Variants in DAPK2 observed in about 807,000 individuals in gnomAD.
DAPK2 encodes death-associated protein kinase 2.
DAPK2 carries 35 observed loss-of-function variants against 44.1 expected under a neutral mutation model. The observed-to-expected ratio is 0.79, with a 90% CI of 0.61 to 1.05. DAPK2 has a LOEUF of 1.05. Ranked by LOEUF, DAPK2 falls within the 50% of genes least tolerant of loss-of-function variation. The probability of loss-of-function intolerance (pLI) is 0.00; values close to 1 mark genes in which losing one functional copy is unlikely to be tolerated. For missense variants in DAPK2, 453 were observed against 483.2 expected, an observed-to-expected ratio of 0.94 and a Z score of 0.59; for synonymous variants, 174 against 182.6, an observed-to-expected ratio of 0.95 and a Z score of 0.38.
At chr15:63,995,796 C>A (rs1485187500) in intron 1 of DAPK2, among the ~76,000 whole-genome samples, 2 of 152,222 alleles carry the variant, frequency 1.3e-5, no homozygotes, top group Non-Finnish European at 2.9e-5. Context: ...GCAGAGCGTG[C>A]CTGGTGCCCC....
rs189475373 is a variant in DAPK2, at chr15:63,980,817, C to A, written c.314+2716G>T. On this transcript the variant is annotated intron_variant, in intron 2 of 10. Coordinates refer to ENST00000261891, the Ensembl canonical transcript of DAPK2. This position sits in a 1 kb window ranked among gnomAD's most constrained non-coding sequence, Gnocchi z 4.3. ...TTTAAGACGTGATTGGGTCGGGGTG[C>A]GGTGGCTCACGCCTGTAATCCCAAC... 1.3e-5 allele frequency among the ~76,000 whole-genome samples: 2 copies of A among 152,038 alleles called. No individual in the cohort carries two copies. Among genetic ancestry groups the A allele is most frequent in the Non-Finnish European group, 1.5e-5 (1 of 68,006 alleles).
At chr15:63,963,057 C>T (rs1257568383) in intron 3 of DAPK2, among the ~76,000 whole-genome samples, 1 of 152,136 alleles carries the variant, frequency 6.6e-6, no homozygotes, top group Non-Finnish European at 1.5e-5. Flanking sequence ...ATGGCAGATG[C>T]CCCTCCCCAA....
intron 2 of DAPK2, among the ~76,000 whole-genome samples, chr15:63,977,105 A>G (rs995129212): frequency 1.0e-5 from 1 of 96,008 alleles, no homozygotes; most frequent in African/African-American, 4.7e-5. Context: ...GCAAAAAAAG[A>G]GAAGGGGAAG....
intron 1 of DAPK2, among the ~76,000 whole-genome samples, chr15:64,045,319 G>C (rs332273): frequency 0.05 from 7,612 of 152,234 alleles, 631 homozygotes; most frequent in African/African-American, 0.17. Context: ...AGCGGTTTGG[G>C]GAAGGACAGG....
At position 63,966,228 on chromosome 15, in the gene DAPK2, G is replaced by A. The variant is rs151121412; in HGVS notation, c.453+5195C>T. ...GAGAGTGTCTAGAAATGTTGTCTGA[G>A]ATCTAGGGCCTGGAATGGGGGCCTC... On this transcript the variant is annotated intron_variant, in intron 3 of 10. Transcript: ENST00000261891. This position sits in a 1 kb window ranked among gnomAD's most constrained non-coding sequence, Gnocchi z 5.5. 6.6e-6 allele frequency among the ~76,000 whole-genome samples: 1 copy of A among 152,262 alleles called. No individual in the cohort carries two copies. Among genetic ancestry groups the A allele is most frequent in the Non-Finnish European group, 1.5e-5 (1 of 68,048 alleles).
chr15:63,954,399 A>C (rs2077667297), intron 3 of DAPK2, among the ~76,000 whole-genome samples: 1 of 152,198 alleles, frequency 6.6e-6, no homozygotes, highest in African/African-American at 2.4e-5. Flanking sequence ...CATTTATTGA[A>C]GAGACTGTCC....
intron 1 of DAPK2, among the ~76,000 whole-genome samples, chr15:64,038,059 T>G (rs1390248881): frequency 6.6e-6 from 1 of 152,192 alleles, no homozygotes; most frequent in Non-Finnish European, 1.5e-5. Flanking sequence ...CCTTGATATA[T>G]GGAGTCAGGG....
chr15:64,023,830 T>C (rs2079759486), intron 1 of DAPK2, among the ~76,000 whole-genome samples: 2 of 152,196 alleles, frequency 1.3e-5, no homozygotes, highest in Admixed American at 6.5e-5. Context: ...AAAAAGCTGC[T>C]CAAAGCCGTT....
chr15:64,016,950 A>T (rs1467024438), intron 1 of DAPK2, among the ~76,000 whole-genome samples: 2 of 152,198 alleles, frequency 1.3e-5, no homozygotes, highest in Non-Finnish European at 2.9e-5. Flanking sequence ...CAGGAGCACA[A>T]TAAATGGCAG....
intron 1 of DAPK2, among the ~76,000 whole-genome samples, chr15:64,036,271 A>ATGTGTGTGTG (rs1297163093): frequency 4.7e-5 from 4 of 85,312 alleles, no homozygotes; most frequent in African/African-American, 1.5e-4. Context: ...AAATATATAT[A>ATGTGTGTGTG]TATGTGTGTG....
chr15:63,973,687 TG>T (rs971280818), intron 2 of DAPK2, among the ~76,000 whole-genome samples: 2 of 152,192 alleles, frequency 1.3e-5, no homozygotes, highest in Admixed American at 1.3e-4. Flanking sequence ...TTAAGAGTTT[TG>T]GAACTATTGG....
intron 1 of DAPK2, among the ~76,000 whole-genome samples, chr15:64,024,882 G>C (rs2079794145): frequency 6.6e-6 from 1 of 152,190 alleles, no homozygotes; most frequent in East Asian, 1.9e-4. Context: ...CCTGTGGCCA[G>C]GCCACCAGGG....
exon 3 of DAPK2, chr15:63,971,538 T>A: frequency 6.2e-7 from 1 of 1,614,048 alleles, no homozygotes; most frequent in South Asian, 1.1e-5. Context: ...GGCCAGGAAA[T>A]CGAAGAGCTC....
chr15:64,034,897 A>T (rs1450374417), intron 1 of DAPK2, among the ~76,000 whole-genome samples: 1 of 152,192 alleles, frequency 6.6e-6, no homozygotes, highest in African/African-American at 2.4e-5. Context: ...GTCAGGTGTG[A>T]TGGCTCACTC....
At chr15:63,959,442 AG>A in intron 3 of DAPK2, among the ~76,000 whole-genome samples, 1 of 152,268 alleles carries the variant, frequency 6.6e-6, no homozygotes, top group Admixed American at 6.5e-5. Context: ...CAGTTTTCAA[AG>A]GGAATGCTTC....
At chr15:64,011,770 A>G (rs11856408) in intron 1 of DAPK2, among the ~76,000 whole-genome samples, 2,305 of 152,330 alleles carry the variant, frequency 0.015, 61 homozygotes, top group African/African-American at 0.053. Flanking sequence ...ACATTGGACA[A>G]TGCAGCTCTA....
At chr15:63,952,295 T>A (rs1007996678) in intron 3 of DAPK2, among the ~76,000 whole-genome samples, 4 of 152,148 alleles carry the variant, frequency 2.6e-5, no homozygotes, top group African/African-American at 9.7e-5. Flanking sequence ...GGCAGATTAG[T>A]TCTTAGTTAC....
chr15:63,936,501 C>CT (rs1208080845), intron 4 of DAPK2, among the ~76,000 whole-genome samples: 1 of 152,060 alleles, frequency 6.6e-6, no homozygotes, highest in Non-Finnish European at 1.5e-5. Flanking sequence ...ATCCCAGCTA[C>CT]TAGGGAGGCT....
At chr15:63,963,887 TTC>T (rs1413153501) in intron 3 of DAPK2, among the ~76,000 whole-genome samples, 1 of 152,240 alleles carries the variant, frequency 6.6e-6, no homozygotes, top group Non-Finnish European at 1.5e-5. Context: ...AACTTTTTGT[TTC>T]TGTTTATATC....
Sources: gnomAD v4.1 joint callset for allele counts (sites outside exome capture counted in the v4.1 genomes callset) on GRCh38, gnomAD v4.1.1 for gene constraint, Gnocchi (gnomAD v3.1) non-coding constraint, MANE v1.5 for transcripts, NCBI Gene and HGNC (gene_info 2026-07-23, HGNC 2026-07-21) for gene names.